Variants in RELN observed in about 807,000 individuals in gnomAD.
RELN encodes the protein reelin.
In RELN, 108 loss-of-function variants were observed where a neutral mutation model predicts 427.6. The observed-to-expected ratio is 0.25, with a 90% confidence interval of 0.22 to 0.30. The LOEUF (loss-of-function observed/expected upper bound fraction) is 0.30, where lower values mean the gene tolerates loss of function less well. RELN is among the 10% of genes least tolerant of loss of function. RELN has a pLI of 1.00. For missense variants in RELN, 3,715 were observed against 4,302.8 expected (o/e 0.86, Z 3.82); for synonymous variants, 1,524 against 1,513.4 (o/e 1.01, Z -0.16).
chr7:103,739,973 G>C (rs1790600323), intron 6 of RELN, among the ~76,000 whole-genome samples: 1 of 152,160 alleles, frequency 6.6e-6, no homozygotes, highest in Admixed American at 6.5e-5. Context: ...TGAGGACAGG[G>C]ACAAAGCCGG....
At chr7:103,619,546 T>C (rs1832167684) in intron 20 of RELN, among the ~76,000 whole-genome samples, 1 of 152,214 alleles carries the variant, frequency 6.6e-6, no homozygotes, top group Non-Finnish European at 1.5e-5. Context: ...AGAAATTTGT[T>C]GGTGAGATCA....
chr7:103,511,714 CT>C (rs1829423744), intron 50 of RELN, among the ~76,000 whole-genome samples: 1 of 151,748 alleles, frequency 6.6e-6, no homozygotes, highest in Non-Finnish European at 1.5e-5. Context: ...AAAAAATTAG[CT>C]GGAGTGGTGG....
In RELN at chr7:103,930,868, ATGTGTGTGTGTGTGTG is replaced by A. The variant is rs60265174; in HGVS notation, c.227-13699_227-13684del. Among the ~76,000 whole-genome samples the A allele has an allele frequency of 6.3e-3, 901 of 141,998 alleles. 8 individuals carry two copies. Among genetic ancestry groups the A allele is most frequent in the African/African-American group, 0.02 (792 of 38,808 alleles). 93.2% of individuals were successfully genotyped at this position (141,998 alleles called of 152,430 possible). On this transcript the variant is annotated intron_variant, in intron 1 of 64. Coordinates refer to ENST00000428762, the MANE Select transcript of RELN (RefSeq NM_005045.4). Reference sequence around the variant, plus strand: ...AGTTATGCTTCTTGGGTGTGAGCATATGTGTGTGTGTGTGTGTGTGTGTGTGTGTGTGTGTGTGTGT... The same window carrying A: ...AGTTATGCTTCTTGGGTGTGAGCATATGTGTGTGTGTGTGTGTGTGTGTGT...
chr7:103,606,241 C>G (rs1831816203), intron 22 of RELN, among the ~76,000 whole-genome samples: 1 of 152,160 alleles, frequency 6.6e-6, no homozygotes, highest in African/African-American at 2.4e-5. Context: ...TATCTTTAGT[C>G]TCCATAGTTT....
chr7:103,617,778 C>A (rs550969230), intron 20 of RELN, among the ~76,000 whole-genome samples: 1 of 151,948 alleles, frequency 6.6e-6, no homozygotes, highest in Non-Finnish European at 1.5e-5. Context: ...GAAGAGGGGG[C>A]CTAATGGGAG....
At chr7:103,728,512 G>C (rs1490457343) in intron 6 of RELN, among the ~76,000 whole-genome samples, 1 of 152,074 alleles carries the variant, frequency 6.6e-6, no homozygotes, top group African/African-American at 2.4e-5. Flanking sequence ...GTTATTGTGA[G>C]GATGAAATGA....
intron 2 of RELN, among the ~76,000 whole-genome samples, chr7:103,879,411 A>C (rs1288020150): frequency 6.6e-6 from 1 of 152,192 alleles, no homozygotes; most frequent in Non-Finnish European, 1.5e-5. Flanking sequence ...CTCTGTTTTT[A>C]ATGTTCTGAT....
chr7:103,530,482 G>A (rs1363358841), intron 46 of RELN, among the ~76,000 whole-genome samples: 1 of 152,142 alleles, frequency 6.6e-6, no homozygotes, highest in Non-Finnish European at 1.5e-5. Context: ...TCTGTCTGTT[G>A]TCCTGATTTT....
chr7:103,869,267 C>A (rs1047310043), intron 2 of RELN, among the ~76,000 whole-genome samples: 3 of 152,014 alleles, frequency 2.0e-5, no homozygotes, highest in Non-Finnish European at 4.4e-5. Context: ...GTTTTTCTTT[C>A]TTTCTTTTAG....
intron 1 of RELN, among the ~76,000 whole-genome samples, chr7:103,941,061 C>A (rs1796103513): frequency 6.6e-6 from 1 of 152,250 alleles, no homozygotes; most frequent in Middle Eastern, 3.4e-3. Flanking sequence ...GATGTTATTA[C>A]CCCTGGGTCA....
At chr7:103,585,005 T>A (rs2711873) in intron 28 of RELN, among the ~76,000 whole-genome samples, 73,777 of 148,698 alleles carry the variant, frequency 0.5, 18,687 homozygotes, top group South Asian at 0.62. Flanking sequence ...AAAAAAAAAA[T>A]TTGAAACAAA....
chr7:103,499,735 G>T (rs565128855), intron 53 of RELN, among the ~76,000 whole-genome samples: 5 of 152,262 alleles, frequency 3.3e-5, no homozygotes, highest in African/African-American at 1.2e-4. Flanking sequence ...GAAATGCATG[G>T]TTAACCACGT....
chr7:103,611,525 C>G (rs776055385), intron 21 of RELN, 86 bp downstream of exon 21: 47 of 1,018,484 alleles, frequency 4.6e-5, no homozygotes, highest in Non-Finnish European at 6.5e-5. Context: ...ACCTAAACTT[C>G]TAGAACTGTA....
intron 14 of RELN, among the ~76,000 whole-genome samples, chr7:103,652,252 T>C (rs921674386): frequency 3.5e-5 from 5 of 141,308 alleles, no homozygotes; most frequent in Non-Finnish European, 6.2e-5. Context: ...TTTCAGTTGC[T>C]TTTTTTTTTT....
chr7:103,694,467 AGATGATGAT>A (rs139140239), intron 10 of RELN, among the ~76,000 whole-genome samples: 12 of 148,686 alleles, frequency 8.1e-5, no homozygotes, highest in South Asian at 2.2e-4. Flanking sequence ...CAGTTAAATG[AGATGATGAT>A]GATGATGATG....
intron 58 of RELN, among the ~76,000 whole-genome samples, chr7:103,491,382 G>A (rs909405636): frequency 6.6e-6 from 1 of 151,924 alleles, no homozygotes; most frequent in African/African-American, 2.4e-5. Flanking sequence ...TGCTTATTTT[G>A]ATAAAATTTA....
At chr7:103,851,061 C>T (rs1793809503) in intron 2 of RELN, among the ~76,000 whole-genome samples, 1 of 152,158 alleles carries the variant, frequency 6.6e-6, no homozygotes, top group Non-Finnish European at 1.5e-5. Flanking sequence ...ATTCACATTG[C>T]AAAATCGTGG....
rs571716927 is a variant in RELN, at chr7:103,563,185, G to A, written c.5211-1232C>T. ...CTGGTATCATCTTATAGCATAAACA[G>A]CTGCTTAGAGGTTTGTTATCCTAAA... On this transcript the variant is annotated intron_variant, in intron 34 of 64. Coordinates refer to ENST00000428762, the MANE Select transcript of RELN (RefSeq NM_005045.4). The surrounding 1 kb of genome is among the most constrained non-coding windows in gnomAD (Gnocchi z 4.1). Among the ~76,000 whole-genome samples the A allele has an allele frequency of 2.0e-5, 3 of 152,188 alleles. No individual in the cohort carries two copies. The highest frequency in any genetic ancestry group is 1.3e-4 in the Admixed American group (2 of 15,282).
At chr7:103,746,328 A>C (rs1027673932) in intron 6 of RELN, among the ~76,000 whole-genome samples, 3 of 152,228 alleles carry the variant, frequency 2.0e-5, no homozygotes, top group Admixed American at 2.0e-4. Flanking sequence ...AAGAAAACCT[A>C]GGCAATACCA....
Sources: gnomAD v4.1 joint callset for allele counts (sites outside exome capture counted in the v4.1 genomes callset) on GRCh38, gnomAD v4.1.1 for gene constraint, Gnocchi (gnomAD v3.1) non-coding constraint, MANE v1.5 for transcripts, NCBI Gene and HGNC (gene_info 2026-07-23, HGNC 2026-07-21) for gene names.